Variants in RPIA observed in about 807,000 individuals in gnomAD.
The protein encoded by RPIA is ribose 5-phosphate isomerase A.
RPIA carries 29 observed loss-of-function variants against 37.8 expected under a neutral mutation model. The ratio of observed to expected loss-of-function variants is 0.77; its 90% CI spans 0.57 to 1.05. The LOEUF is 1.05. RPIA is among the 50% of genes least tolerant of loss of function. The probability of loss-of-function intolerance (pLI) is 0.00; values close to 1 mark genes in which losing one functional copy is unlikely to be tolerated. For missense variants in RPIA, 385 were observed against 413.6 expected, an observed-to-expected ratio of 0.93 and a Z score of 0.60; for synonymous variants, 167 against 157.0, an observed-to-expected ratio of 1.06 and a Z score of -0.48.
intron 3 of RPIA, among the ~76,000 whole-genome samples, chr2:88,713,861 T>C (rs1672998841): frequency 6.6e-6 from 1 of 152,152 alleles, no homozygotes; most frequent in African/African-American, 2.4e-5. Context: ...CTTTTTTGTT[T>C]GTTTTCTGAA....
chr2:88,741,258 C>T (rs374786881), intron 8 of RPIA, among the ~76,000 whole-genome samples: 7 of 152,224 alleles, frequency 4.6e-5, no homozygotes, highest in African/African-American at 1.7e-4. Flanking sequence ...ATCATTCTTA[C>T]ACCTTTGCGT....
At chr2:88,743,903 T>C (rs182840371) in intron 8 of RPIA, among the ~76,000 whole-genome samples, 3 of 152,324 alleles carry the variant, frequency 2.0e-5, no homozygotes, top group Admixed American at 6.5e-5. Flanking sequence ...ATCTTCTCTC[T>C]TCTTTTCTTG....
intron 8 of RPIA, 89 bp from the exon 9 acceptor site, chr2:88,749,892 A>T (rs1673482390): frequency 7.2e-6 from 6 of 828,430 alleles, no homozygotes; most frequent in Non-Finnish European, 1.3e-5. Context: ...GCTGTGTATG[A>T]CAGTTGCTTC....
chr2:88,706,114 A>G (rs1406114004), intron 3 of RPIA, among the ~76,000 whole-genome samples: 2 of 152,134 alleles, frequency 1.3e-5, no homozygotes, highest in African/African-American at 4.8e-5. Flanking sequence ...TAGGAATGTA[A>G]ATTAGTTCAG....
intron 1 of RPIA, among the ~76,000 whole-genome samples, chr2:88,695,928 GA>G (rs1267529823): frequency 5.3e-5 from 8 of 149,690 alleles, no homozygotes; most frequent in Non-Finnish European, 3.0e-5. Context: ...ATTAGTATTT[GA>G]TTTTTTTTTT....
chr2:88,750,181 A>T lies in RPIA; in HGVS notation c.*103A>T. 1 of 635,920 alleles carries T rather than the reference A, an allele frequency of 1.6e-6. No homozygotes were observed. The highest frequency in any genetic ancestry group is 2.9e-6 in the Non-Finnish European group (1 of 349,440). The allele number at this position is 635,920 out of a possible 1,614,324, so 39.4% of individuals were successfully genotyped here. A position where few individuals can be genotyped will look rare whatever the true frequency, so the allele number is the denominator to read the frequency against. ...GCCTTAATGTATCTCTGCCTGGACA[A>T]CTTGTGGTGGGGGGTGGGGGGAAGA... On this transcript the variant is annotated 3_prime_UTR_variant, in exon 9 of 9. Transcript: ENST00000283646.
chr2:88,736,458 C>G, intron 6 of RPIA, 77 bp from the exon 7 acceptor site: 1 of 1,518,822 alleles, frequency 6.6e-7, no homozygotes, highest in South Asian at 1.1e-5. Flanking sequence ...CTCATTAACC[C>G]TGTTCCTGAA....
chr2:88,724,842 G>T (rs1028135216), intron 3 of RPIA, among the ~76,000 whole-genome samples: 1 of 152,182 alleles, frequency 6.6e-6, no homozygotes, highest in Non-Finnish European at 1.5e-5. Flanking sequence ...TCTGCCTTCG[G>T]TTCTACCTTG....
chr2:88,739,716 T>TA (rs1673359961), intron 8 of RPIA, among the ~76,000 whole-genome samples: 1 of 152,272 alleles, frequency 6.6e-6, no homozygotes, highest in Admixed American at 6.5e-5. Flanking sequence ...CTCCTGGGCT[T>TA]AAACAGTTCT....
chr2:88,715,625 A>C (rs1007136098), intron 3 of RPIA, among the ~76,000 whole-genome samples: 8 of 152,196 alleles, frequency 5.3e-5, no homozygotes, highest in Admixed American at 2.6e-4. Flanking sequence ...TAACCCTGTG[A>C]GGTTGGCTTC....
At position 88,750,875 on chromosome 2, in the gene RPIA, G is replaced by A. The variant is rs1357186254; in HGVS notation, c.*797G>A. ...TTATTACTTGCATGGTTTGGCGTCA[G>A]AAGTCCTTACCTCTTTATATTGTTT... On this transcript the variant is annotated 3_prime_UTR_variant, in exon 9 of 9. Transcript: ENST00000283646. 2.5e-6 allele frequency: 1 copy of A among 396,480 alleles called. No individual in the cohort carries two copies. The highest frequency in any genetic ancestry group is 4.4e-5 in the Admixed American group (1 of 22,676). The allele number at this position is 396,480 out of a possible 1,614,324, so 24.6% of individuals were successfully genotyped here. A position where few individuals can be genotyped will look rare whatever the true frequency, so the allele number is the denominator to read the frequency against.
At chr2:88,706,060 A>T (rs1292962153) in intron 3 of RPIA, among the ~76,000 whole-genome samples, 2 of 152,142 alleles carry the variant, frequency 1.3e-5, no homozygotes, top group African/African-American at 2.4e-5. Context: ...GAAACAACAG[A>T]TGCTGAGGAG....
At chr2:88,707,761 A>T (rs1334386218) in intron 3 of RPIA, among the ~76,000 whole-genome samples, 11 of 152,236 alleles carry the variant, frequency 7.2e-5, no homozygotes, top group Non-Finnish European at 2.9e-5. Flanking sequence ...AGGAGTTTGT[A>T]TAGTAAGTGT....
intron 1 of RPIA, among the ~76,000 whole-genome samples, chr2:88,693,735 G>T (rs1003939427): frequency 2.0e-5 from 3 of 152,120 alleles, no homozygotes; most frequent in Admixed American, 1.3e-4. Flanking sequence ...TCTTTGTGTA[G>T]AATCTCTGGG....
At chr2:88,723,941 A>G (rs1673165107) in intron 3 of RPIA, among the ~76,000 whole-genome samples, 3 of 152,162 alleles carry the variant, frequency 2.0e-5, no homozygotes, top group Non-Finnish European at 4.4e-5. Context: ...GGTCATAAGT[A>G]TATAAGAGAC....
At chr2:88,715,646 C>A (rs6742845) in intron 3 of RPIA, among the ~76,000 whole-genome samples, 8 of 152,268 alleles carry the variant, frequency 5.3e-5, no homozygotes, top group African/African-American at 1.9e-4. Context: ...ACATCCTGGA[C>A]TTGAAAATAT....
intron 3 of RPIA, among the ~76,000 whole-genome samples, chr2:88,701,588 G>A (rs1383539367): frequency 0.017 from 6 of 360 alleles, no homozygotes; most frequent in Non-Finnish European, 0.025. Context: ...CTCTTTACAT[G>A]GACATACTTT....
At chr2:88,703,771 G>A (rs1386868705) in intron 3 of RPIA, among the ~76,000 whole-genome samples, 1 of 152,216 alleles carries the variant, frequency 6.6e-6, no homozygotes, top group African/African-American at 2.4e-5. Flanking sequence ...TCTGCAGCCG[G>A]CTTGAATTTC....
chr2:88,696,793 G>A (rs541859129), intron 1 of RPIA, among the ~76,000 whole-genome samples: 3 of 152,114 alleles, frequency 2.0e-5, no homozygotes, highest in Non-Finnish European at 2.9e-5. Context: ...ATATCAAGGC[G>A]TTGGCATCTG....
Sources: allele counts gnomAD v4.1 joint callset (sites outside exome capture counted in the v4.1 genomes callset), GRCh38; gene constraint gnomAD v4.1.1; transcripts MANE v1.5; gene names NCBI Gene and HGNC (gene_info 2026-07-23, HGNC 2026-07-21).